Variants in EXOC6B observed in about 807,000 individuals in gnomAD.
The protein encoded by EXOC6B is SEC15 homolog B.
A neutral mutation model predicts 113.5 loss-of-function variants in EXOC6B; 54 were observed. The ratio of observed to expected loss-of-function variants is 0.48; its 90% CI spans 0.38 to 0.60. The LOEUF is 0.60. EXOC6B is among the 20% of genes least tolerant of loss of function. EXOC6B has a pLI of 0.00. For missense variants in EXOC6B, 797 were observed against 977.5 expected, an observed-to-expected ratio of 0.82 and a Z score of 2.46; for synonymous variants, 357 against 339.0, an observed-to-expected ratio of 1.05 and a Z score of -0.58.
chr2:72,455,627 T>C (rs1375905355), intron 18 of EXOC6B, among the ~76,000 whole-genome samples: 12 of 152,182 alleles, frequency 7.9e-5, no homozygotes, highest in African/African-American at 2.2e-4. Context: ...AACCTCTCTA[T>C]GTTTACTAAT....
chr2:72,401,060 G>T (rs1036843811), intron 18 of EXOC6B, among the ~76,000 whole-genome samples: 5 of 151,720 alleles, frequency 3.3e-5, no homozygotes, highest in Admixed American at 2.0e-4. Context: ...TCAACAGAAG[G>T]TTGGACAAAG....
In EXOC6B at chr2:72,355,993, A is replaced by G. The variant is rs547152385; in HGVS notation, c.2123-20973T>C. Among the ~76,000 whole-genome samples, 5 of 152,312 alleles carry G rather than the reference A, an allele frequency of 3.3e-5. No homozygotes were observed. In the South Asian group the frequency reaches 1.0e-3, roughly 32 times the overall value. On this transcript the variant is annotated intron_variant, in intron 19 of 21. Transcript: ENST00000272427. ...TGAGGAGGTATCAAATGTCTAAGAT[A>G]TAATTGGTAAAGCATCCTTTGGATA...
Position 72,512,314 on chromosome 2 carries a change from C to CGGAAGGAAGGAA in EXOC6B, c.1167+806_1167+817dup, listed in dbSNP as rs745543998. On this transcript the variant is annotated intron_variant, in intron 11 of 21. Coordinates refer to ENST00000272427, the MANE Select transcript of EXOC6B (RefSeq NM_015189.3). ...AAGCATAATCAATCTTTAAGAAACA[C>CGGAAGGAAGGAA]GGAAGGAAGGAAGGAAGGAAGGAAG... Among the ~76,000 whole-genome samples the CGGAAGGAAGGAA allele has an allele frequency of 3.2e-4, 34 of 107,622 alleles. 2 individuals are homozygous for CGGAAGGAAGGAA. Among genetic ancestry groups the CGGAAGGAAGGAA allele is most frequent in the African/African-American group, 1.2e-3 (31 of 26,200 alleles). The allele number at this position is 107,622 out of a possible 152,430, so 70.6% of individuals were successfully genotyped here.
chr2:72,294,710 A>AT (rs1686021044), intron 20 of EXOC6B, among the ~76,000 whole-genome samples: 1 of 151,638 alleles, frequency 6.6e-6, no homozygotes, highest in Admixed American at 6.6e-5. Context: ...ATTTTCTTTG[A>AT]TTTTGTCTTT....
intron 19 of EXOC6B, among the ~76,000 whole-genome samples, chr2:72,374,974 G>T (rs919329302): frequency 6.6e-5 from 10 of 151,674 alleles, no homozygotes; most frequent in African/African-American, 1.9e-4. Flanking sequence ...AGATAGAAAA[G>T]AATATACTTA....
intron 20 of EXOC6B, among the ~76,000 whole-genome samples, chr2:72,219,296 G>T (rs1307466862): frequency 1.3e-5 from 2 of 152,018 alleles, no homozygotes; most frequent in Non-Finnish European, 2.9e-5. Flanking sequence ...AGGGGGAAGA[G>T]GGCAGGACTA....
intron 6 of EXOC6B, among the ~76,000 whole-genome samples, chr2:72,653,210 G>T (rs560884528): frequency 1.3e-5 from 2 of 151,080 alleles, no homozygotes; most frequent in African/African-American, 4.9e-5. Flanking sequence ...TATACACCAT[G>T]GAATACTATG....
intron 20 of EXOC6B, among the ~76,000 whole-genome samples, chr2:72,215,255 T>A (rs1164063024): frequency 6.6e-6 from 1 of 152,142 alleles, no homozygotes; most frequent in African/African-American, 2.4e-5. Flanking sequence ...GGTAGGATGT[T>A]ATGGAGGAGA....
chr2:72,295,849 TAAG>T (rs964597925), intron 20 of EXOC6B, among the ~76,000 whole-genome samples: 2 of 152,130 alleles, frequency 1.3e-5, no homozygotes, highest in Non-Finnish European at 2.9e-5. Context: ...TACATAAAAT[TAAG>T]AAGAGAAAAA....
Position 72,735,117 on chromosome 2 carries a change from T to G in EXOC6B, c.280-1999A>C, listed in dbSNP as rs151199229. On this transcript the variant is annotated intron_variant, in intron 2 of 21. Coordinates refer to ENST00000272427, the MANE Select transcript of EXOC6B (RefSeq NM_015189.3). Reference sequence around the variant, plus strand: ...GGTGATAATGCTATCCCCATTACAGTAGTTATTCAATAATAAATTAGATAT... The same window carrying G: ...GGTGATAATGCTATCCCCATTACAGGAGTTATTCAATAATAAATTAGATAT... 4.7e-3 allele frequency among the ~76,000 whole-genome samples: 722 copies of G among 152,320 alleles called. 8 individuals carry two copies. Among genetic ancestry groups the G allele is most frequent in the African/African-American group, 0.016 (671 of 41,576 alleles).
intron 19 of EXOC6B, among the ~76,000 whole-genome samples, chr2:72,360,926 A>G: frequency 8.6e-6 from 1 of 115,836 alleles, no homozygotes. Flanking sequence ...GGAAGACTCC[A>G]TCTCAAAAAA....
intron 18 of EXOC6B, among the ~76,000 whole-genome samples, chr2:72,410,925 C>T (rs1311228903): frequency 1.3e-5 from 2 of 152,148 alleles, no homozygotes; most frequent in African/African-American, 4.8e-5. Flanking sequence ...ATAGAAATTA[C>T]AGGTGAGGCA....
intron 20 of EXOC6B, among the ~76,000 whole-genome samples, chr2:72,247,771 G>A (rs1559056233): frequency 6.6e-6 from 1 of 152,208 alleles, no homozygotes; most frequent in Non-Finnish European, 1.5e-5. Context: ...CATTCTTTCT[G>A]TGAGGGCAGT....
intron 3 of EXOC6B, among the ~76,000 whole-genome samples, chr2:72,732,247 T>C (rs988339690): frequency 6.6e-6 from 1 of 151,868 alleles, no homozygotes; most frequent in African/African-American, 2.4e-5. Flanking sequence ...CTCCTGGGCT[T>C]AAGAGATCCT....
chr2:72,696,682 C>T (rs1017137120), intron 6 of EXOC6B, among the ~76,000 whole-genome samples: 3 of 152,176 alleles, frequency 2.0e-5, no homozygotes, highest in African/African-American at 7.2e-5. Context: ...GGGAATAAGA[C>T]ACCATGTGGA....
intron 1 of EXOC6B, among the ~76,000 whole-genome samples, chr2:72,810,373 AAATAAATAAAT>A (rs1685830955): frequency 7.0e-6 from 1 of 142,938 alleles, no homozygotes; most frequent in African/African-American, 2.5e-5. Flanking sequence ...ATAAATAAAT[AAATAAATAAAT>A]AAAATACAGT....
intron 20 of EXOC6B, among the ~76,000 whole-genome samples, chr2:72,297,841 A>C (rs1344866488): frequency 6.6e-6 from 1 of 152,166 alleles, no homozygotes; most frequent in Non-Finnish European, 1.5e-5. Context: ...ATTTGATTGC[A>C]CTGTGGTCTG....
Position 72,530,989 on chromosome 2 carries a change from T to C in EXOC6B, c.916-15863A>G, listed in dbSNP as rs185302527. Reference sequence around the variant, plus strand: ...CATTATACTTAAAGTGATTTTTCTATAGACAATATGTCTTAATCCATTTTA... The same window carrying C: ...CATTATACTTAAAGTGATTTTTCTACAGACAATATGTCTTAATCCATTTTA... On this transcript the variant is annotated intron_variant, in intron 8 of 21. Transcript: ENST00000272427. Among the ~76,000 whole-genome samples the C allele has an allele frequency of 1.3e-3, 197 of 152,016 alleles. 1 individual carries two copies. The highest frequency in any genetic ancestry group is 4.6e-3 in the African/African-American group (189 of 41,352).
intron 19 of EXOC6B, among the ~76,000 whole-genome samples, chr2:72,378,931 T>C (rs1414763567): frequency 6.6e-6 from 1 of 152,216 alleles, no homozygotes; most frequent in African/African-American, 2.4e-5. Context: ...TATTTTACTT[T>C]GTCAGATACT....
Sources: gnomAD v4.1 joint callset for allele counts (sites outside exome capture counted in the v4.1 genomes callset) on GRCh38, gnomAD v4.1.1 for gene constraint, MANE v1.5 for transcripts, NCBI Gene and HGNC (gene_info 2026-07-23, HGNC 2026-07-21) for gene names.